The following TTC28 variants were observed in gnomAD, a reference collection of about 807,000 sequenced individuals.
TTC28 encodes tetratricopeptide repeat domain 28.
A neutral mutation model predicts 198.0 loss-of-function variants in TTC28; 61 were observed. That is an observed-to-expected ratio of 0.31 (90% CI 0.25 to 0.38). The LOEUF is 0.38. Among genes scored for constraint, TTC28 ranks in the 10% least tolerant of loss-of-function variants. The pLI is 1.00. For missense variants in TTC28, 2,678 were observed against 3,164.0 expected (o/e 0.85, Z 3.69); for synonymous variants, 1,171 against 1,297.8 (o/e 0.90, Z 2.10).
At chr22:28,328,419 TGACA>T (rs1433441235) in intron 2 of TTC28, among the ~76,000 whole-genome samples, 7 of 151,340 alleles carry the variant, frequency 4.6e-5, no homozygotes, top group Non-Finnish European at 7.4e-5. Flanking sequence ...TCAGCCTGAG[TGACA>T]GACAGAGACC....
chr22:28,606,786 A>C (rs1175342901), intron 2 of TTC28, among the ~76,000 whole-genome samples: 1 of 152,212 alleles, frequency 6.6e-6, no homozygotes, highest in Non-Finnish European at 1.5e-5. Flanking sequence ...TGGACTATAT[A>C]ATAACAACAA....
chr22:28,637,210 C>T (rs2051289057), intron 1 of TTC28, among the ~76,000 whole-genome samples: 1 of 152,060 alleles, frequency 6.6e-6, no homozygotes, highest in Non-Finnish European at 1.5e-5. Flanking sequence ...CAGGGTTTCA[C>T]CGTGTTAGCC....
At chr22:28,594,152 A>G (rs2050492742) in intron 2 of TTC28, among the ~76,000 whole-genome samples, 1 of 152,064 alleles carries the variant, frequency 6.6e-6, no homozygotes, top group Non-Finnish European at 1.5e-5. Flanking sequence ...ACTGAATTTT[A>G]GAGATTTAGC....
intron 2 of TTC28, among the ~76,000 whole-genome samples, chr22:28,526,959 T>C (rs889454549): frequency 1.3e-5 from 2 of 152,062 alleles, no homozygotes; most frequent in African/African-American, 2.4e-5. Flanking sequence ...GGTTTCACCA[T>C]GTTGGTCAGA....
chr22:28,099,953 A>C (rs1296873282), intron 9 of TTC28, among the ~76,000 whole-genome samples: 1 of 152,220 alleles, frequency 6.6e-6, no homozygotes, highest in African/African-American at 2.4e-5. Context: ...GCCCACTCAC[A>C]TAGACATTCT....
chr22:28,541,387 G>A (rs2049408276), intron 2 of TTC28, among the ~76,000 whole-genome samples: 1 of 152,132 alleles, frequency 6.6e-6, no homozygotes. Context: ...TCAGAGTTAG[G>A]AAGACTAAAG....
intron 5 of TTC28, among the ~76,000 whole-genome samples, chr22:28,285,159 TACATACACAC>T: frequency 6.6e-6 from 1 of 152,264 alleles, no homozygotes; most frequent in South Asian, 2.1e-4. Flanking sequence ...CACATACACA[TACATACACAC>T]ACATACATAC....
At position 28,517,987 on chromosome 22, in the gene TTC28, G is replaced by C. The variant is rs570890977; in HGVS notation, c.381+111565C>G. Among the ~76,000 whole-genome samples, 15 of 151,772 alleles carry C rather than the reference G, an allele frequency of 9.9e-5. No individual in the cohort carries two copies. In the East Asian group the frequency reaches 2.3e-3, roughly 24 times the overall value. On this transcript the variant is annotated intron_variant, in intron 2 of 22. Transcript: ENST00000397906. ...CTCAAGGTCCCACTATGTTGCCCAAGCTAGACTCAAACAATTCTCCTACCT... is the reference window on the plus strand; with the variant it reads ...CTCAAGGTCCCACTATGTTGCCCAACCTAGACTCAAACAATTCTCCTACCT...
chr22:28,221,179 T>C (rs1459499776), intron 5 of TTC28, among the ~76,000 whole-genome samples: 5 of 151,918 alleles, frequency 3.3e-5, no homozygotes, highest in Admixed American at 6.6e-5. Flanking sequence ...GGAAGAGGAC[T>C]GATAAGAGAC....
chr22:28,401,344 G>A (rs952874472), intron 2 of TTC28, among the ~76,000 whole-genome samples: 44 of 152,126 alleles, frequency 2.9e-4, no homozygotes, highest in African/African-American at 8.7e-4. Context: ...GGCCAGGCAC[G>A]GTGGCTCATG....
chr22:28,290,676 C>T (rs1481609119), intron 5 of TTC28, among the ~76,000 whole-genome samples: 1 of 152,098 alleles, frequency 6.6e-6, no homozygotes, highest in Non-Finnish European at 1.5e-5. Flanking sequence ...CTTTGGGAGG[C>T]CAAGGTGAGG....
chr22:28,205,065 A>G (rs1926281020), intron 5 of TTC28, among the ~76,000 whole-genome samples: 1 of 152,042 alleles, frequency 6.6e-6, no homozygotes, highest in Non-Finnish European at 1.5e-5. Context: ...CCTTATCTCC[A>G]TCATAATGGT....
chr22:28,534,177 T>C (rs975955553), intron 2 of TTC28, among the ~76,000 whole-genome samples: 3 of 152,202 alleles, frequency 2.0e-5, no homozygotes, highest in African/African-American at 7.2e-5. Context: ...ACAGGGCTAA[T>C]ATCCAGAATC....
At chr22:28,456,349 T>C (rs1423823242) in intron 2 of TTC28, among the ~76,000 whole-genome samples, 2 of 152,118 alleles carry the variant, frequency 1.3e-5, no homozygotes, top group Non-Finnish European at 2.9e-5. Context: ...TGTTAATGGA[T>C]AAGAGGCTTC....
intron 5 of TTC28, among the ~76,000 whole-genome samples, chr22:28,288,659 A>G (rs948368568): frequency 3.9e-5 from 6 of 151,936 alleles, no homozygotes; most frequent in Admixed American, 2.6e-4. Context: ...ATACAAAAAA[A>G]AAAAATAGCC....
intron 2 of TTC28, among the ~76,000 whole-genome samples, chr22:28,319,002 A>T (rs556484565): frequency 9.7e-4 from 147 of 151,718 alleles, no homozygotes; most frequent in South Asian, 2.9e-3. Flanking sequence ...ATTAAAAAAA[A>T]TTTTTTGTAG....
At chr22:28,252,903 T>C (rs1930627995) in intron 5 of TTC28, among the ~76,000 whole-genome samples, 1 of 152,150 alleles carries the variant, frequency 6.6e-6, no homozygotes, top group Non-Finnish European at 1.5e-5. Context: ...CAAATATACA[T>C]CCTTCCTGTC....
At chr22:28,419,307 G>C (rs566446080) in intron 2 of TTC28, among the ~76,000 whole-genome samples, 1 of 152,250 alleles carries the variant, frequency 6.6e-6, no homozygotes, top group East Asian at 1.9e-4. Context: ...AGCAGGAATT[G>C]TTCCCTCCTC....
At chr22:28,370,695 T>C (rs1414979072) in intron 2 of TTC28, among the ~76,000 whole-genome samples, 1 of 151,792 alleles carries the variant, frequency 6.6e-6, no homozygotes, top group South Asian at 2.1e-4. Context: ...AAGACAGAAA[T>C]AGTGAAAGAG....
Sources: allele counts gnomAD v4.1 joint callset (sites outside exome capture counted in the v4.1 genomes callset), GRCh38; gene constraint gnomAD v4.1.1; transcripts MANE v1.5; gene names NCBI Gene and HGNC (gene_info 2026-07-23, HGNC 2026-07-21).